FSTL5: variants seen among roughly 807,000 people sequenced by gnomAD.
FSTL5 encodes follistatin like 5.
Under a neutral mutation model 89.1 loss-of-function variants are expected in FSTL5, and 62 were observed. The observed-to-expected ratio is 0.70, with a 90% CI of 0.57 to 0.86. The LOEUF is 0.86. Among genes scored for constraint, FSTL5 ranks in the 40% least tolerant of loss-of-function variants. The pLI, the probability that FSTL5 is intolerant of heterozygous loss-of-function variation, is 0.00. For synonymous variants in FSTL5, 383 were observed against 346.2 expected (o/e 1.11, Z -1.18); for missense variants, 1,057 against 1,001.6 (o/e 1.06, Z -0.75).
At chr4:161,451,554 AC>A (rs1429899391) in intron 15 of FSTL5, among the ~76,000 whole-genome samples, 3 of 152,200 alleles carry the variant, frequency 2.0e-5, no homozygotes, top group Admixed American at 2.0e-4. Context: ...GAATACTCAA[AC>A]ATTATTTTAT....
At chr4:161,959,260 A>C (rs1735107634) in intron 3 of FSTL5, among the ~76,000 whole-genome samples, 1 of 152,212 alleles carries the variant, frequency 6.6e-6, no homozygotes, top group South Asian at 2.1e-4. Context: ...CGATGAGCAA[A>C]ATTTTATAAC....
intron 6 of FSTL5, among the ~76,000 whole-genome samples, chr4:161,663,702 C>G (rs1429324898): frequency 2.6e-5 from 4 of 152,162 alleles, no homozygotes; most frequent in Admixed American, 1.3e-4. Context: ...AACAGTGACC[C>G]TCTTCCTACA....
chr4:161,568,124 A>G (rs1732882945), intron 8 of FSTL5, among the ~76,000 whole-genome samples: 1 of 151,682 alleles, frequency 6.6e-6, no homozygotes, highest in South Asian at 2.1e-4. Flanking sequence ...TTTGGAGTCC[A>G]TATTTGCCAT....
chr4:162,073,168 A>T (rs1035786427), intron 2 of FSTL5, among the ~76,000 whole-genome samples: 1 of 151,826 alleles, frequency 6.6e-6, no homozygotes, highest in African/African-American at 2.4e-5. Flanking sequence ...GACACATATA[A>T]ACATACATAT....
intron 4 of FSTL5, among the ~76,000 whole-genome samples, chr4:161,781,122 T>C (rs755756875): frequency 5.3e-5 from 8 of 152,066 alleles, no homozygotes; most frequent in Non-Finnish European, 1.0e-4. Context: ...AATTACTCAA[T>C]AATTGCTAAT....
chr4:161,971,307 T>G (rs1377719834), intron 3 of FSTL5, among the ~76,000 whole-genome samples: 49 of 152,290 alleles, frequency 3.2e-4, no homozygotes, highest in Non-Finnish European at 4.4e-5. Context: ...ATTAGAATTT[T>G]TATATGGTTC....
chr4:161,893,870 A>G (rs535181173), intron 4 of FSTL5, among the ~76,000 whole-genome samples: 1 of 152,280 alleles, frequency 6.6e-6, no homozygotes, highest in East Asian at 1.9e-4. Context: ...TAAAGATTCA[A>G]TATCCTGGTG....
intron 7 of FSTL5, among the ~76,000 whole-genome samples, chr4:161,618,529 A>T (rs1334154442): frequency 2.0e-5 from 3 of 150,214 alleles, no homozygotes; most frequent in Admixed American, 1.3e-4. Flanking sequence ...AGTTTTTAGC[A>T]TGAAGGGTTG....
At chr4:161,440,852 C>T (rs1199804865) in intron 15 of FSTL5, among the ~76,000 whole-genome samples, 1 of 152,004 alleles carries the variant, frequency 6.6e-6, no homozygotes, top group Admixed American at 6.6e-5. Flanking sequence ...CCAGTGGCAC[C>T]CATTGAGCAT....
At chr4:161,507,335 A>C (rs1017382847) in intron 11 of FSTL5, among the ~76,000 whole-genome samples, 3 of 151,856 alleles carry the variant, frequency 2.0e-5, no homozygotes, top group Non-Finnish European at 4.4e-5. Context: ...TATCATAAAT[A>C]TACTGAAAAT....
chr4:161,402,682 C>A (rs909803170), intron 15 of FSTL5, among the ~76,000 whole-genome samples: 4 of 152,134 alleles, frequency 2.6e-5, no homozygotes, highest in Non-Finnish European at 5.9e-5. Flanking sequence ...ATTGCAACAC[C>A]TTTTATAGAG....
intron 6 of FSTL5, among the ~76,000 whole-genome samples, chr4:161,716,394 C>G (rs992036106): frequency 6.6e-6 from 1 of 151,994 alleles, no homozygotes; most frequent in Non-Finnish European, 1.5e-5. Context: ...GTCAGGAGTT[C>G]GAGAACAGCC....
intron 4 of FSTL5, among the ~76,000 whole-genome samples, chr4:161,793,129 C>T (rs541321483): frequency 2.4e-4 from 37 of 152,332 alleles, no homozygotes; most frequent in Admixed American, 9.2e-4. Flanking sequence ...TGCATGGAGC[C>T]GGCAACTGGA....
chr4:161,858,136 A>G (rs1171068331), intron 4 of FSTL5, among the ~76,000 whole-genome samples: 3 of 152,186 alleles, frequency 2.0e-5, no homozygotes, highest in Non-Finnish European at 4.4e-5. Flanking sequence ...TATTAATAAA[A>G]GAGGCCTCAG....
Position 161,400,238 on chromosome 4 carries a change from T to G in FSTL5, c.1842-13789A>C, listed in dbSNP as rs916019901. Among the ~76,000 whole-genome samples, 3 of 152,062 alleles carry G rather than the reference T, an allele frequency of 2.0e-5. No homozygotes were observed. The East Asian group carries it at 5.8e-4, about 29-fold the overall frequency. On this transcript the variant is annotated intron_variant, in intron 15 of 15. Coordinates refer to ENST00000306100, the MANE Select transcript of FSTL5 (RefSeq NM_020116.5). ...GCATTTTGTCTTGTTTGGTTTACAT[T>G]TGCAGTCTTTGTTCAGTGGATATAA...
intron 3 of FSTL5, among the ~76,000 whole-genome samples, chr4:161,978,017 T>C (rs890657729): frequency 6.6e-6 from 1 of 152,210 alleles, no homozygotes; most frequent in African/African-American, 2.4e-5. Flanking sequence ...ACTGACAATA[T>C]CAAAATGATA....
At chr4:161,494,928 G>A (rs940288218) in intron 12 of FSTL5, among the ~76,000 whole-genome samples, 1 of 151,902 alleles carries the variant, frequency 6.6e-6, no homozygotes, top group Non-Finnish European at 1.5e-5. Context: ...CAGATTCAGT[G>A]GTGTGCACTT....
intron 10 of FSTL5, among the ~76,000 whole-genome samples, chr4:161,532,876 C>T (rs756857978): frequency 7.9e-5 from 12 of 152,058 alleles, no homozygotes; most frequent in Middle Eastern, 3.2e-3. Context: ...ATATCAAGCA[C>T]TCTCTCAAAC....
intron 2 of FSTL5, among the ~76,000 whole-genome samples, chr4:162,044,565 G>A (rs1171479096): frequency 6.6e-6 from 1 of 152,132 alleles, no homozygotes; most frequent in Non-Finnish European, 1.5e-5. Flanking sequence ...CCCCTAACAA[G>A]AGAGTGAACC....
Sources: allele counts gnomAD v4.1 joint callset (sites outside exome capture counted in the v4.1 genomes callset), GRCh38; gene constraint gnomAD v4.1.1; transcripts MANE v1.5; gene names NCBI Gene and HGNC (gene_info 2026-07-23, HGNC 2026-07-21).